AGMO: variants seen among roughly 807,000 people sequenced by gnomAD.
The protein encoded by AGMO is glyceryl-ether monooxygenase.
AGMO carries 75 observed loss-of-function variants against 60.2 expected under a neutral mutation model. That is an observed-to-expected ratio of 1.25 (90% CI 1.03 to 1.51). The LOEUF (loss-of-function observed/expected upper bound fraction) is 1.51, where lower values mean the gene tolerates loss of function less well. Among genes scored for constraint, AGMO ranks in the 40% most tolerant of loss-of-function variants. The pLI is 0.00. For synonymous variants in AGMO, 261 were observed against 177.1 expected (o/e 1.47, Z -3.76); for missense variants, 763 against 525.5 (o/e 1.45, Z -4.42).
chr7:15,177,495 A>T, the AGMO span, among the ~76,000 whole-genome samples: 17 of 152,046 alleles, frequency 1.1e-4, no homozygotes, highest in Non-Finnish European at 2.2e-4. Flanking sequence ...TTTTAAAAAC[A>T]CTTTTTCTTG....
intron 3 of AGMO, among the ~76,000 whole-genome samples, chr7:15,460,625 T>G (rs529385217): frequency 9.3e-4 from 142 of 152,212 alleles, no homozygotes; most frequent in Admixed American, 2.7e-3. Flanking sequence ...TATAATAAAT[T>G]AAATATTGAC....
At chr7:15,415,642 A>G (rs570837393) in intron 5 of AGMO, among the ~76,000 whole-genome samples, 1 of 152,182 alleles carries the variant, frequency 6.6e-6, no homozygotes, top group Non-Finnish European at 1.5e-5. Context: ...TACATGATAT[A>G]TACATAAACA....
At chr7:15,269,757 T>C (rs1199887038) in intron 12 of AGMO, among the ~76,000 whole-genome samples, 1 of 150,438 alleles carries the variant, frequency 6.6e-6, no homozygotes, top group Non-Finnish European at 1.5e-5. Context: ...CCATCATCCC[T>C]CTCATACCCT....
intron 8 of AGMO, 65 bp from the exon 9 acceptor site, chr7:15,387,605 T>A (rs1783970053): frequency 7.2e-7 from 1 of 1,382,066 alleles, no homozygotes; most frequent in Admixed American, 2.1e-5. Flanking sequence ...ATACCAAAAG[T>A]TATGTATATT....
At chr7:15,387,651 G>T in intron 8 of AGMO, 111 bp from the exon 9 acceptor site, 1 of 561,734 alleles carries the variant, frequency 1.8e-6, no homozygotes, top group East Asian at 3.4e-5. Flanking sequence ...TATTTAAAAC[G>T]TTATGCCTGA....
chr7:15,144,833 T>G, the AGMO span, among the ~76,000 whole-genome samples: 1 of 152,142 alleles, frequency 6.6e-6, no homozygotes, highest in Non-Finnish European at 1.5e-5. Context: ...TTTGTTTGTT[T>G]TTGTTGTTGT....
chr7:15,496,255 A>G (rs201978666), intron 3 of AGMO, among the ~76,000 whole-genome samples: 2 of 152,176 alleles, frequency 1.3e-5, no homozygotes, highest in East Asian at 3.9e-4. Context: ...TAAAACTAAG[A>G]TGTGCCTGAT....
At chr7:15,182,414 T>C in the AGMO span, among the ~76,000 whole-genome samples, 35 of 152,140 alleles carry the variant, frequency 2.3e-4, no homozygotes, top group Non-Finnish European at 1.6e-4. Flanking sequence ...ACACTGTTTT[T>C]ATTTATTTAT....
the AGMO span, among the ~76,000 whole-genome samples, chr7:15,174,816 A>G: frequency 6.6e-6 from 1 of 152,042 alleles, no homozygotes; most frequent in African/African-American, 2.4e-5. Context: ...CAAAGATTGA[A>G]TTAAATTATT....
chr7:15,301,153 T>C (rs926002308), intron 12 of AGMO, among the ~76,000 whole-genome samples: 1 of 152,122 alleles, frequency 6.6e-6, no homozygotes, highest in Non-Finnish European at 1.5e-5. Context: ...TAAAAGCAAA[T>C]GCTGGCCGGG....
intron 5 of AGMO, among the ~76,000 whole-genome samples, chr7:15,397,961 G>C (rs959077107): frequency 6.6e-5 from 10 of 152,182 alleles, no homozygotes; most frequent in Non-Finnish European, 1.3e-4. Context: ...AAAAATGGTG[G>C]AAAATAGAGA....
the AGMO span, among the ~76,000 whole-genome samples, chr7:15,166,380 ACAG>A: frequency 6.6e-6 from 1 of 152,142 alleles, no homozygotes; most frequent in Non-Finnish European, 1.5e-5. Context: ...TATTCAAAGG[ACAG>A]CAAATATGCT....
At chr7:15,198,213 G>GAGAGAGAGAGAGAGAGAGAGAC (rs1781171924), downstream of AGMO, among the ~76,000 whole-genome samples, 1 of 92,862 alleles carries the variant, frequency 1.1e-5, no homozygotes, top group Admixed American at 1.1e-4. Flanking sequence ...GAGAGAGAGA[G>GAGAGAGAGAGAGAGAGAGAGAC]AGAGAGAGAG....
chr7:15,487,021 A>G (rs145933234), intron 3 of AGMO, among the ~76,000 whole-genome samples: 1 of 152,330 alleles, frequency 6.6e-6, no homozygotes, highest in East Asian at 1.9e-4. Context: ...GCTGTTAAAA[A>G]ACATTCAGAT....
chr7:15,290,387 T>C (rs934255066), intron 12 of AGMO, among the ~76,000 whole-genome samples: 8 of 152,156 alleles, frequency 5.3e-5, no homozygotes, highest in South Asian at 2.1e-4. Flanking sequence ...TGTGGGAGCA[T>C]AGAAAATTTT....
chr7:15,359,079 G>A (rs558811622), intron 12 of AGMO, among the ~76,000 whole-genome samples: 1 of 152,136 alleles, frequency 6.6e-6, no homozygotes, highest in Admixed American at 6.5e-5. Flanking sequence ...CATGAGGTCA[G>A]GAGATTGAGA....
At chr7:15,127,734 TAA>T in the AGMO span, among the ~76,000 whole-genome samples, 8 of 152,172 alleles carry the variant, frequency 5.3e-5, no homozygotes, top group East Asian at 1.9e-4. Context: ...GCAATATTCT[TAA>T]GTCAATATTT....
intron 11 of AGMO, among the ~76,000 whole-genome samples, 158 bp from the exon 12 acceptor site, chr7:15,365,777 GA>G (rs1782952528): frequency 6.6e-6 from 1 of 151,982 alleles, no homozygotes; most frequent in African/African-American, 2.4e-5. Context: ...CAGTGATTAA[GA>G]AAGAACACTC....
the AGMO span, among the ~76,000 whole-genome samples, chr7:15,128,090 C>CA: frequency 6.6e-6 from 1 of 152,110 alleles, no homozygotes; most frequent in Admixed American, 6.6e-5. Context: ...TTTAGAGCAT[C>CA]AGTCCTGCCT....
Sources: allele counts gnomAD v4.1 joint callset (sites outside exome capture counted in the v4.1 genomes callset), GRCh38; gene constraint gnomAD v4.1.1; transcripts MANE v1.5; gene names NCBI Gene and HGNC (gene_info 2026-07-23, HGNC 2026-07-21).